Variants in ADAMTSL1 observed in about 807,000 individuals in gnomAD.
ADAMTSL1 encodes the protein ADAMTS-like protein 1.
A neutral mutation model predicts 201.8 loss-of-function variants in ADAMTSL1; 126 were observed. That is an observed-to-expected ratio of 0.62 (90% CI 0.54 to 0.72). The LOEUF is 0.72. ADAMTSL1 is among the 30% of genes least tolerant of loss of function. The pLI is 0.00. For missense variants in ADAMTSL1, 2,679 were observed against 2,277.8 expected, an observed-to-expected ratio of 1.18 and a Z score of -3.59; for synonymous variants, 1,121 against 903.4, an observed-to-expected ratio of 1.24 and a Z score of -4.32.
Position 18,087,556 on chromosome 9 carries a change from G to T in ADAMTSL1, c.88-76306G>T, listed in dbSNP as rs1823820346. 5.9e-5 allele frequency among the ~76,000 whole-genome samples: 9 copies of T among 152,104 alleles called. No individual in the cohort carries two copies. The South Asian group carries it at 1.9e-3, about 32-fold the overall frequency. Reference sequence around the variant, plus strand: ...CTTATTAATAGATCTAGAGCCATGTGACTATGTAATTTTGGATTTGCATTT... The same window carrying T: ...CTTATTAATAGATCTAGAGCCATGTTACTATGTAATTTTGGATTTGCATTT... On this transcript the variant is annotated intron_variant, in intron 1 of 29. Coordinates refer to the ADAMTSL1 transcript ENST00000680146.
chr9:18,798,933 C>A (rs780368358), intron 20 of ADAMTSL1, among the ~76,000 whole-genome samples: 106 of 152,338 alleles, frequency 7.0e-4, no homozygotes, highest in Admixed American at 8.5e-4. Context: ...CTATAAAATA[C>A]TGTCTTTTGT....
intron 2 of ADAMTSL1, among the ~76,000 whole-genome samples, chr9:18,314,759 C>T (rs914368840): frequency 4.1e-5 from 6 of 145,232 alleles, no homozygotes; most frequent in Non-Finnish European, 9.0e-5. Flanking sequence ...CAGTGGGTTG[C>T]CACTGCTGCC....
chr9:18,178,146 T>G (rs1327212497), intron 2 of ADAMTSL1, among the ~76,000 whole-genome samples: 1 of 152,134 alleles, frequency 6.6e-6, no homozygotes, highest in Admixed American at 6.5e-5. Flanking sequence ...TGCCAGACAG[T>G]GGGCGCAGGT....
intron 2 of ADAMTSL1, among the ~76,000 whole-genome samples, chr9:18,261,782 G>C (rs7039917): frequency 0.38 from 57,470 of 151,978 alleles, 11,441 homozygotes; most frequent in South Asian, 0.51. Flanking sequence ...ACTATTGTAG[G>C]TGGCACGCAT....
At chr9:18,092,769 A>G (rs1442749132) in intron 1 of ADAMTSL1, among the ~76,000 whole-genome samples, 1 of 152,234 alleles carries the variant, frequency 6.6e-6, no homozygotes, top group African/African-American at 2.4e-5. Context: ...TCAAGATTTC[A>G]CACTTGCACT....
intron 23 of ADAMTSL1, among the ~76,000 whole-genome samples, chr9:18,886,209 TATACAC>T (rs1828875757): frequency 8.5e-6 from 1 of 118,050 alleles, no homozygotes; most frequent in African/African-American, 3.8e-5. Flanking sequence ...TATATATATA[TATACAC>T]ACACATACAT....
intron 14 of ADAMTSL1, among the ~76,000 whole-genome samples, chr9:18,711,348 C>T (rs949065639): frequency 6.6e-6 from 1 of 152,198 alleles, no homozygotes; most frequent in African/African-American, 2.4e-5. Context: ...GTTCATCTCA[C>T]TAGGGAGTGC....
intron 2 of ADAMTSL1, among the ~76,000 whole-genome samples, chr9:18,416,380 T>C (rs1818677131): frequency 6.7e-6 from 1 of 150,074 alleles, no homozygotes; most frequent in Non-Finnish European, 1.5e-5. Context: ...TGAAATGGAA[T>C]TATAAAAAAA....
At chr9:18,252,074 A>G (rs1235004287) in intron 2 of ADAMTSL1, among the ~76,000 whole-genome samples, 2 of 152,142 alleles carry the variant, frequency 1.3e-5, no homozygotes, top group African/African-American at 4.8e-5. Context: ...AAAATGAACC[A>G]TGTAACTTTT....
chr9:18,816,634 G>C (rs984048683), intron 20 of ADAMTSL1, among the ~76,000 whole-genome samples: 4 of 149,764 alleles, frequency 2.7e-5, no homozygotes, highest in African/African-American at 9.9e-5. Context: ...TGATGTCGAG[G>C]ATTATTTGTT....
intron 2 of ADAMTSL1, among the ~76,000 whole-genome samples, chr9:18,168,466 T>G (rs1353278747): frequency 6.6e-6 from 1 of 152,054 alleles, no homozygotes; most frequent in East Asian, 1.9e-4. Flanking sequence ...CATCATTTTT[T>G]ATGGCTGCAT....
intron 4 of ADAMTSL1, among the ~76,000 whole-genome samples, chr9:18,585,156 G>C (rs1700795343): frequency 6.6e-6 from 1 of 152,008 alleles, no homozygotes; most frequent in African/African-American, 2.4e-5. Context: ...GTGTATTCAA[G>C]TATTATTTTT....
intron 1 of ADAMTSL1, among the ~76,000 whole-genome samples, chr9:17,958,645 A>G (rs997344437): frequency 1.3e-5 from 2 of 152,192 alleles, no homozygotes; most frequent in Non-Finnish European, 2.9e-5. Context: ...TGTATGACAC[A>G]TACCAGGGAA....
At chr9:18,639,455 T>G (rs1415882006) in intron 7 of ADAMTSL1, 44 bp downstream of exon 7, 1 of 1,587,262 alleles carries the variant, frequency 6.3e-7, no homozygotes, top group Admixed American at 1.8e-5. Flanking sequence ...ACATCCCAAA[T>G]GATGTTACTT....
At chr9:17,969,610 C>G (rs762950981) in intron 1 of ADAMTSL1, among the ~76,000 whole-genome samples, 64 of 151,962 alleles carry the variant, frequency 4.2e-4, no homozygotes, top group Admixed American at 1.7e-3. Context: ...TGTTTGTTTT[C>G]TATAAAATGA....
chr9:18,159,460 T>C (rs556068372), intron 1 of ADAMTSL1, among the ~76,000 whole-genome samples: 8 of 152,162 alleles, frequency 5.3e-5, no homozygotes, highest in Admixed American at 4.6e-4. Context: ...TAGAAATATA[T>C]GGCTGCCTCT....
chr9:18,226,455 C>T (rs766842178), intron 2 of ADAMTSL1, among the ~76,000 whole-genome samples: 10 of 152,158 alleles, frequency 6.6e-5, no homozygotes, highest in African/African-American at 9.7e-5. Flanking sequence ...TTGTTATCCT[C>T]TTCATACTCT....
chr9:17,944,272 T>C (rs187115474), intron 1 of ADAMTSL1, among the ~76,000 whole-genome samples: 25 of 152,238 alleles, frequency 1.6e-4, no homozygotes, highest in Admixed American at 3.9e-4. Flanking sequence ...GTGAAGGACA[T>C]CTTCAAGGAG....
intron 19 of ADAMTSL1, among the ~76,000 whole-genome samples, chr9:18,778,900 C>T (rs1462402327): frequency 6.6e-6 from 1 of 152,146 alleles, no homozygotes; most frequent in Admixed American, 6.5e-5. Context: ...GTCTAGATTC[C>T]TCATTTTAAC....
Sources: allele counts gnomAD v4.1 joint callset (sites outside exome capture counted in the v4.1 genomes callset), GRCh38; gene constraint gnomAD v4.1.1; transcripts MANE v1.5; gene names NCBI Gene and HGNC (gene_info 2026-07-23, HGNC 2026-07-21).